ABTB3: variants seen among roughly 807,000 people sequenced by gnomAD.
The protein encoded by ABTB3 is ankyrin repeat- and BTB/POZ domain-containing protein 3.
At chr12:107,562,350 G>C in the ABTB3 span, among the ~76,000 whole-genome samples, 1 of 152,376 alleles carries the variant, frequency 6.6e-6, no homozygotes, top group East Asian at 1.9e-4. Context: ...AGTGGTCAGA[G>C]AAGTTTTCTC....
At chr12:107,429,188 C>T in the ABTB3 span, among the ~76,000 whole-genome samples, 6 of 152,344 alleles carry the variant, frequency 3.9e-5, no homozygotes, top group South Asian at 1.2e-3. Context: ...TCCTTGTCTG[C>T]TCTGCTTCTG....
the ABTB3 span, among the ~76,000 whole-genome samples, chr12:107,619,822 G>T: frequency 6.6e-6 from 1 of 152,124 alleles, no homozygotes; most frequent in African/African-American, 2.4e-5. Flanking sequence ...GCCTACACTG[G>T]TTCTGTTCGT....
chr12:107,562,676 T>C, the ABTB3 span, among the ~76,000 whole-genome samples: 6 of 152,316 alleles, frequency 3.9e-5, no homozygotes, highest in East Asian at 1.2e-3. Flanking sequence ...TTGAGATGAG[T>C]TGAACTAAAA....
chr12:107,583,152 A>G, the ABTB3 span, among the ~76,000 whole-genome samples: 2 of 152,208 alleles, frequency 1.3e-5, no homozygotes, highest in Non-Finnish European at 2.9e-5. Context: ...CTCTGCTTAG[A>G]GGTTGGTGTG....
chr12:107,440,551 C>G, the ABTB3 span, among the ~76,000 whole-genome samples: 2 of 152,210 alleles, frequency 1.3e-5, no homozygotes, highest in African/African-American at 4.8e-5. Context: ...GTGAGCCCAG[C>G]CTTGATTAGT....
the ABTB3 span, among the ~76,000 whole-genome samples, chr12:107,589,957 T>A: frequency 6.6e-6 from 1 of 152,236 alleles, no homozygotes; most frequent in Non-Finnish European, 1.5e-5. Flanking sequence ...TCACCCAGGC[T>A]GAAGTACAGT....
At chr12:107,532,045 G>T in the ABTB3 span, among the ~76,000 whole-genome samples, 1 of 152,178 alleles carries the variant, frequency 6.6e-6, no homozygotes, top group Admixed American at 6.5e-5. Context: ...GTACCTGAAA[G>T]CTTCCTGCCC....
At chr12:107,473,684 T>G in the ABTB3 span, among the ~76,000 whole-genome samples, 1 of 152,182 alleles carries the variant, frequency 6.6e-6, no homozygotes, top group Non-Finnish European at 1.5e-5. Flanking sequence ...GTGTCTGGCT[T>G]CTTTTGCTCG....
chr12:107,640,714 C>A, the ABTB3 span, among the ~76,000 whole-genome samples: 1 of 152,184 alleles, frequency 6.6e-6, no homozygotes, highest in African/African-American at 2.4e-5. Context: ...CACACAGGAG[C>A]CTTGAGACAG....
chr12:107,627,610 C>G, the ABTB3 span, among the ~76,000 whole-genome samples: 1 of 152,148 alleles, frequency 6.6e-6, no homozygotes, highest in Non-Finnish European at 1.5e-5. Flanking sequence ...AGCTTCATCC[C>G]CCTTAAGGGC....
the ABTB3 span, among the ~76,000 whole-genome samples, chr12:107,477,702 T>G: frequency 6.6e-6 from 1 of 152,174 alleles, no homozygotes; most frequent in East Asian, 1.9e-4. Flanking sequence ...GGATTAAAGT[T>G]TGCTATGGCA....
chr12:107,520,419 C>T, the ABTB3 span: 2 of 1,563,392 alleles, frequency 1.3e-6, no homozygotes, highest in Admixed American at 3.4e-5. Context: ...ATGTTGCACC[C>T]TTCCCTCGGT....
At chr12:107,591,951 T>A in the ABTB3 span, among the ~76,000 whole-genome samples, 1 of 152,198 alleles carries the variant, frequency 6.6e-6, no homozygotes, top group Non-Finnish European at 1.5e-5. Flanking sequence ...CTCCAAAGCC[T>A]ACGTTCTCTC....
At chr12:107,377,219 C>G in the ABTB3 span, among the ~76,000 whole-genome samples, 1 of 152,154 alleles carries the variant, frequency 6.6e-6, no homozygotes, top group African/African-American at 2.4e-5. Flanking sequence ...AAAGCCCAGC[C>G]CCCATGCACC....
At chr12:107,546,668 AGCCT>A in the ABTB3 span, among the ~76,000 whole-genome samples, 1 of 152,194 alleles carries the variant, frequency 6.6e-6, no homozygotes, top group African/African-American at 2.4e-5. Flanking sequence ...GTTTGAGACC[AGCCT>A]GGCCAACATG....
the ABTB3 span, among the ~76,000 whole-genome samples, chr12:107,522,991 T>C: frequency 8.7e-3 from 1,327 of 152,326 alleles, 24 homozygotes; most frequent in African/African-American, 0.029. Context: ...TATTTACTTA[T>C]GATCCAATTG....
At chr12:107,551,708 C>T in the ABTB3 span, among the ~76,000 whole-genome samples, 1 of 151,958 alleles carries the variant, frequency 6.6e-6, no homozygotes, top group Non-Finnish European at 1.5e-5. Flanking sequence ...TAGTATTTGG[C>T]CCTTCCCAGA....
chr12:107,469,484 G>A, the ABTB3 span, among the ~76,000 whole-genome samples: 24 of 152,154 alleles, frequency 1.6e-4, no homozygotes, highest in Non-Finnish European at 1.9e-4. Context: ...CCCATCTGAT[G>A]GGGTTCCCAT....
chr12:107,561,693 G>C, the ABTB3 span, among the ~76,000 whole-genome samples: 4 of 152,096 alleles, frequency 2.6e-5, no homozygotes, highest in Admixed American at 2.6e-4. Context: ...AATAAATCGG[G>C]AACCAGTTAA....
Sources: allele counts gnomAD v4.1 joint callset (sites outside exome capture counted in the v4.1 genomes callset), GRCh38; gene constraint gnomAD v4.1.1; transcripts MANE v1.5; gene names NCBI Gene and HGNC (gene_info 2026-07-23, HGNC 2026-07-21).